SMURF1: variants seen among roughly 807,000 people sequenced by gnomAD.
SMURF1 encodes the protein E3 ubiquitin-protein ligase SMURF1.
Under a neutral mutation model 98.0 loss-of-function variants are expected in SMURF1, and 44 were observed. The observed-to-expected ratio is 0.45, with a 90% confidence interval of 0.35 to 0.58. The LOEUF (loss-of-function observed/expected upper bound fraction) is 0.58, where lower values mean the gene tolerates loss of function less well. Ranked by LOEUF, SMURF1 falls within the 20% of genes least tolerant of loss-of-function variation. The pLI, the probability that SMURF1 is intolerant of heterozygous loss-of-function variation, is 0.00. For synonymous variants in SMURF1, 396 were observed against 374.9 expected, an observed-to-expected ratio of 1.06 and a Z score of -0.65; for missense variants, 687 against 938.4, an observed-to-expected ratio of 0.73 and a Z score of 3.50.
At chr7:99,063,289 A>T (rs866329484) in intron 1 of SMURF1, among the ~76,000 whole-genome samples, 2 of 27,178 alleles carry the variant, frequency 7.4e-5, no homozygotes, top group East Asian at 1.4e-3. Flanking sequence ...ATATATATAT[A>T]TATATATATA....
chr7:99,033,432 G>A (rs1014480706), intron 16 of SMURF1, among the ~76,000 whole-genome samples: 1 of 152,212 alleles, frequency 6.6e-6, no homozygotes, highest in Non-Finnish European at 1.5e-5. Flanking sequence ...TGCCTCCCGA[G>A]TAGCTGGGAT....
chr7:99,080,579 G>A (rs151302138), intron 1 of SMURF1, among the ~76,000 whole-genome samples: 10 of 152,310 alleles, frequency 6.6e-5, no homozygotes, highest in African/African-American at 1.9e-4. Flanking sequence ...GATTACAGGC[G>A]TGAGCCACCA....
At chr7:99,076,569 C>G (rs540670023) in intron 1 of SMURF1, among the ~76,000 whole-genome samples, 1 of 152,164 alleles carries the variant, frequency 6.6e-6, no homozygotes, top group Non-Finnish European at 1.5e-5. Flanking sequence ...CTGTCACAGC[C>G]AAGAGCAACC....
chr7:99,048,032 C>G (rs981391622), intron 9 of SMURF1, 150 bp from the exon 10 acceptor site: 7 of 701,866 alleles, frequency 1.0e-5, no homozygotes, highest in African/African-American at 1.8e-5. Context: ...AGGTACCTAG[C>G]TAGCTGTGTC....
At chr7:99,062,474 T>A (rs1243139885) in intron 1 of SMURF1, among the ~76,000 whole-genome samples, 1 of 152,006 alleles carries the variant, frequency 6.6e-6, no homozygotes, top group Non-Finnish European at 1.5e-5. Flanking sequence ...TGGAAAATAG[T>A]AAGCAAGGGG....
chr7:99,103,617 T>A (rs756150938), intron 1 of SMURF1, among the ~76,000 whole-genome samples: 100 of 152,150 alleles, frequency 6.6e-4, no homozygotes, highest in Non-Finnish European at 1.1e-3. Flanking sequence ...ACAAACACAA[T>A]CTTAAAAAGC....
intron 12 of SMURF1, among the ~76,000 whole-genome samples, chr7:99,041,231 A>G (rs1164067295): frequency 1.3e-5 from 2 of 152,038 alleles, no homozygotes; most frequent in Non-Finnish European, 2.9e-5. Context: ...GCAAAACCCC[A>G]TCTCTACTAA....
At chr7:99,106,307 G>A (rs1383012064) in intron 1 of SMURF1, among the ~76,000 whole-genome samples, 2 of 152,154 alleles carry the variant, frequency 1.3e-5, no homozygotes, top group African/African-American at 4.8e-5. Flanking sequence ...CAAAGATTGA[G>A]AAAAATTCAC....
intron 6 of SMURF1, 71 bp downstream of exon 6, chr7:99,054,719 G>A (rs1795838688): frequency 7.5e-7 from 1 of 1,332,274 alleles, no homozygotes; most frequent in East Asian, 2.3e-5. Flanking sequence ...GGAGGGAAGG[G>A]CGCTTTCCTA....
In SMURF1 at chr7:99,028,191, A is replaced by T. The variant is rs1432786657; in HGVS notation, c.*2393T>A. The T allele has an allele frequency of 6.6e-6, 1 of 152,572 alleles. No individual in the cohort carries two copies. Among genetic ancestry groups the T allele is most frequent in the African/African-American group, 2.4e-5 (1 of 41,378 alleles). The allele number at this position is 152,572 out of a possible 1,614,324, so 9.5% of individuals were successfully genotyped here. A position where few individuals can be genotyped will look rare whatever the true frequency, so the allele number is the denominator to read the frequency against. On this transcript the variant is annotated 3_prime_UTR_variant, in exon 18 of 18. Coordinates refer to ENST00000361368, the MANE Select transcript of SMURF1 (RefSeq NM_181349.3). ...CGTGAGTGGGCTTCGCGCGGACCCA[A>T]AGTAGAACAGTCGGGAAGCTTTTAC...
chr7:99,117,842 G>A (rs953157145), intron 1 of SMURF1, among the ~76,000 whole-genome samples: 33 of 151,886 alleles, frequency 2.2e-4, no homozygotes, highest in Non-Finnish European at 4.3e-4. Context: ...CACTTTGGGA[G>A]GCCAAGGCAG....
Position 99,047,913 on chromosome 7 carries a change from C to T in SMURF1, c.954-31G>A, listed in dbSNP as rs552326408. ...GAAGAAGAGATGCAGAAAGTCACTC[C>T]GAAGCCCCGGCCAGGGGAGCTGCAA... is the stretch of plus-strand genomic sequence containing the variant. On this transcript the variant is annotated intron_variant, in intron 9 of 17. Transcript: ENST00000361368. 1.5e-4 allele frequency: 236 copies of T among 1,607,146 alleles called. 5 individuals carry two copies. In the South Asian group the frequency reaches 2.5e-3, roughly 17 times the overall value.
chr7:99,033,461 C>T (rs1336142238), intron 16 of SMURF1, among the ~76,000 whole-genome samples: 13 of 152,180 alleles, frequency 8.5e-5, no homozygotes, highest in African/African-American at 2.7e-4. Context: ...CATGCCACCA[C>T]GCCTGGCTAA....
intron 1 of SMURF1, among the ~76,000 whole-genome samples, chr7:99,115,241 G>A (rs1797410625): frequency 6.6e-6 from 1 of 152,034 alleles, no homozygotes; most frequent in South Asian, 2.1e-4. Flanking sequence ...CAAATCTTTA[G>A]ATAGACTGAC....
chr7:99,043,014 C>A (rs1369420877), intron 11 of SMURF1, among the ~76,000 whole-genome samples: 1 of 152,220 alleles, frequency 6.6e-6, no homozygotes, highest in South Asian at 2.1e-4. Flanking sequence ...CCTATAAAGT[C>A]TCTTTTTACT....
At chr7:99,079,428 A>G (rs1796535916) in intron 1 of SMURF1, among the ~76,000 whole-genome samples, 1 of 152,240 alleles carries the variant, frequency 6.6e-6, no homozygotes, top group African/African-American at 2.4e-5. Flanking sequence ...AGGAAATCCC[A>G]GCTGCAAGAA....
rs1796324778 is a variant in SMURF1, at chr7:99,071,617, G to A, written c.56-9780C>T. ...TCGCACACAGGAAGCAATTGCCAAA[G>A]CTATTGTTTTCTTTCGTTTGGTTTT... is the stretch of plus-strand genomic sequence containing the variant. On this transcript the variant is annotated intron_variant, in intron 1 of 17. Transcript: ENST00000361368. Among the ~76,000 whole-genome samples, 3 of 152,162 alleles carry A rather than the reference G, an allele frequency of 2.0e-5. No homozygotes were observed. In the South Asian group the frequency reaches 6.2e-4, roughly 31 times the overall value.
Position 99,040,416 on chromosome 7 carries a change from A to G in SMURF1, c.1512T>C (p.Ser504=), listed in dbSNP as rs763197799. The stretch of plus-strand genomic sequence containing the variant: ...AGCTCTTATGCAGCTCTGGGTCCAC[A>G]GATTCCAGATCTGAGAGCTGGATGG... ...GKPIQLSDLE[S]VDPELHKSLV... is the part of the protein sequence containing the mutation. Residue 504 remains serine, a synonymous_variant, in exon 13 of 18, where the codon TCT becomes TCC. Transcript: ENST00000361368. 2 of 1,580,776 alleles carry G rather than the reference A, an allele frequency of 1.3e-6. No homozygotes were observed. Among genetic ancestry groups the G allele is most frequent in the South Asian group, 2.3e-5 (2 of 85,712 alleles).
At chr7:99,040,746 C>T (rs969030815) in intron 12 of SMURF1, among the ~76,000 whole-genome samples, 190 bp from the exon 13 acceptor site, 6 of 152,188 alleles carry the variant, frequency 3.9e-5, no homozygotes, top group East Asian at 3.9e-4. Flanking sequence ...TGCCTAGATT[C>T]GCTGGACAGC....
Sources: allele counts gnomAD v4.1 joint callset (sites outside exome capture counted in the v4.1 genomes callset), GRCh38; gene constraint gnomAD v4.1.1; transcripts MANE v1.5; gene names NCBI Gene and HGNC (gene_info 2026-07-23, HGNC 2026-07-21).